EDEM1: variants seen among roughly 807,000 people sequenced by gnomAD.
EDEM1 encodes the protein ER degradation-enhancing alpha-mannosidase-like protein 1.
In EDEM1, 67 loss-of-function variants were observed where a neutral mutation model predicts 74.4. The observed-to-expected ratio is 0.90, with a 90% CI of 0.74 to 1.10. EDEM1 has a LOEUF of 1.10. Ranked by LOEUF, EDEM1 falls within the 50% of genes least tolerant of loss-of-function variation. The pLI, the probability that EDEM1 is intolerant of heterozygous loss-of-function variation, is 0.00. For synonymous variants in EDEM1, 382 were observed against 335.9 expected (o/e 1.14, Z -1.50); for missense variants, 926 against 851.6 (o/e 1.09, Z -1.09).
In EDEM1 at chr3:5,208,162, G is replaced by A; in HGVS notation, c.1408G>A (p.Gly470Ser). 1 of 1,613,030 alleles carries A rather than the reference G, an allele frequency of 6.2e-7. No homozygotes were observed. The highest frequency in any genetic ancestry group is 8.5e-7 in the Non-Finnish European group (1 of 1,179,740). Residue 470 changes from glycine (G) to serine (S), a missense_variant, in exon 8 of 12, where the codon GGT becomes AGT. Physicochemically the swap from Gly to Ser is moderately conservative, Grantham distance 56 (BLOSUM62 0). Coordinates refer to ENST00000256497, the MANE Select transcript of EDEM1 (RefSeq NM_014674.3). ...AFYYAIWKRY[G>S]ALPERYNWQL... ...CTACTATGCCATATGGAAACGATATGGTGCCCTCCCTGAGAGATATAACTG... is the reference window on the plus strand; with the variant it reads ...CTACTATGCCATATGGAAACGATATAGTGCCCTCCCTGAGAGATATAACTG...
intron 2 of EDEM1, among the ~76,000 whole-genome samples, chr3:5,196,018 T>C (rs2054962018): frequency 6.6e-6 from 1 of 152,260 alleles, no homozygotes; most frequent in African/African-American, 2.4e-5. Context: ...TTAAGGTGAT[T>C]TTTACAACCT....
Position 5,207,232 on chromosome 3 carries a change from A to T in EDEM1, c.1297A>T (p.Thr433Ser). 1.9e-6 allele frequency: 3 copies of T among 1,614,132 alleles called. No homozygotes were observed. Among genetic ancestry groups the T allele is most frequent in the Non-Finnish European group, 2.5e-6 (3 of 1,180,014 alleles). Residue 433 changes from threonine (T) to serine (S), a missense_variant, in exon 7 of 12, where the codon ACC becomes TCC. Physicochemically the swap from Thr to Ser is moderately conservative, Grantham distance 58 (BLOSUM62 1). Coordinates refer to ENST00000256497, the MANE Select transcript of EDEM1 (RefSeq NM_014674.3). ...VNMFSGQLMN[T>S]WIDSLQAFFP... ...CATGTTCAGTGGGCAGCTGATGAAC[A>T]CCTGGATTGACTCTCTGCAGGCCTT...
At chr3:5,188,396 C>T (rs1010182637) in intron 1 of EDEM1, 82 bp downstream of exon 1, 3 of 1,305,356 alleles carry the variant, frequency 2.3e-6, no homozygotes, top group African/African-American at 1.6e-5. Context: ...CTCTGTCCTC[C>T]GGGGCCCCCG....
Position 5,187,861 on chromosome 3 carries a change from G to A in EDEM1, c.56G>A (p.Gly19Glu). 1 of 1,598,566 alleles carries A rather than the reference G, an allele frequency of 6.3e-7. No homozygotes were observed. The highest frequency in any genetic ancestry group is 8.5e-7 in the Non-Finnish European group (1 of 1,173,868). ...GLVLLRLGLH[G>E]VLWLVFGLGP... Reference sequence around the variant, plus strand: ...GTGCTCCTCCGGCTTGGCCTCCATGGAGTATTGTGGCTCGTCTTCGGGCTG... The same window carrying A: ...GTGCTCCTCCGGCTTGGCCTCCATGAAGTATTGTGGCTCGTCTTCGGGCTG... Residue 19 changes from glycine (G) to glutamate (E), a missense_variant, in exon 1 of 12, where the codon GGA becomes GAA. Gly to Glu is a moderately conservative substitution (Grantham distance 98). Coordinates refer to ENST00000256497, the MANE Select transcript of EDEM1 (RefSeq NM_014674.3).
Position 5,208,243 on chromosome 3 carries a change from T to G in EDEM1, c.1489T>G (p.Ser497Ala). ...CCCACTGAGACCAGAGTTAGTGGAA[T>G]CCACATATCTCCTCTACCAGGTACT... ...FYPLRPELVE[S>A]TYLLYQATKN... The change falls in exon 8 of 12, where the codon TCC (serine) becomes GCC (alanine). Residue 497 changes from serine to alanine, a missense_variant. Ser to Ala is a moderately conservative substitution (Grantham distance 99, BLOSUM62 1). Coordinates refer to ENST00000256497, the MANE Select transcript of EDEM1 (RefSeq NM_014674.3). 1.2e-6 allele frequency: 2 copies of G among 1,611,728 alleles called. No homozygotes were observed. The highest frequency in any genetic ancestry group is 8.5e-7 in the Non-Finnish European group (1 of 1,179,366).
chr3:5,218,689 T>G lies in EDEM1; in HGVS notation c.*2771T>G, dbSNP rs1189511331. The G allele has an allele frequency of 1.4e-4, 22 of 152,118 alleles. No homozygotes were observed. Among genetic ancestry groups the G allele is most frequent in the Admixed American group, 1.4e-3 (22 of 15,268 alleles). The allele number at this position is 152,118 out of a possible 1,614,324, so 9.4% of individuals were successfully genotyped here. On this transcript the variant is annotated 3_prime_UTR_variant, in exon 12 of 12. Coordinates refer to ENST00000256497, the MANE Select transcript of EDEM1 (RefSeq NM_014674.3). ...GGCTTGACAAAGCATAATTCTCTCA[T>G]AACAAACTTTCAAATCATTACAGTA...
chr3:5,219,303 G>A lies in EDEM1; in HGVS notation c.*3385G>A, dbSNP rs564843377. 2.0e-5 allele frequency: 3 copies of A among 152,138 alleles called. No individual in the cohort carries two copies. The highest frequency in any genetic ancestry group is 7.2e-5 in the African/African-American group (3 of 41,416). The allele number at this position is 152,138 out of a possible 1,614,324, so 9.4% of individuals were successfully genotyped here. On this transcript the variant is annotated 3_prime_UTR_variant, in exon 12 of 12. Transcript: ENST00000256497. The stretch of plus-strand genomic sequence containing the variant: ...AAATCTTTTTTCAAATGTAGTGCTG[G>A]TGAAAAGGTAGGGCTGAGTGATTAC...
chr3:5,195,134 C>A, intron 1 of EDEM1, 75 bp from the exon 2 acceptor site: 2 of 801,552 alleles, frequency 2.5e-6, no homozygotes, highest in Non-Finnish European at 3.7e-6. Flanking sequence ...ATTATAGTTT[C>A]TGATGGGTGT....
chr3:5,215,921 T>C lies in EDEM1; in HGVS notation c.*3T>C, dbSNP rs2055229215. Reference sequence around the variant, plus strand: ...ACCAGATGGTTGGTTTGATTTGATCTGCTCTCTGTGAGGCCTCATCTTGAA... The same window carrying C: ...ACCAGATGGTTGGTTTGATTTGATCCGCTCTCTGTGAGGCCTCATCTTGAA... On this transcript the variant is annotated 3_prime_UTR_variant, in exon 12 of 12. Coordinates refer to ENST00000256497, the MANE Select transcript of EDEM1 (RefSeq NM_014674.3). 6.2e-7 allele frequency: 1 copy of C among 1,611,746 alleles called. No individual in the cohort carries two copies. The highest frequency in any genetic ancestry group is 2.2e-5 in the East Asian group (1 of 44,774).
rs780646059 is a variant in EDEM1 at position 5,190,739 on chromosome 3, C to A, written c.509+2425C>A. 9.8e-5 allele frequency among the ~76,000 whole-genome samples: 15 copies of A among 152,292 alleles called. No homozygotes were observed. In the South Asian group the frequency reaches 1.9e-3, roughly 19 times the overall value. ...CTGGGTAGGCCCGTTGGTTGGTAAA[C>A]CTTTGTTGTCTTTGAGGAGGCCAAA... On this transcript the variant is annotated intron_variant, in intron 1 of 11. Coordinates refer to ENST00000256497, the MANE Select transcript of EDEM1 (RefSeq NM_014674.3).
intron 2 of EDEM1, among the ~76,000 whole-genome samples, chr3:5,198,349 G>A (rs1246038967): frequency 2.0e-5 from 3 of 152,134 alleles, no homozygotes; most frequent in African/African-American, 7.2e-5. Context: ...TGTCCAGCCG[G>A]TTGACTCTCT....
chr3:5,202,846 G>T, intron 4 of EDEM1, 120 bp from the exon 5 acceptor site: 1 of 780,932 alleles, frequency 1.3e-6, no homozygotes, highest in Non-Finnish European at 2.1e-6. Context: ...GGAAGGCAGA[G>T]GGCAGACTCT....
Position 5,213,477 on chromosome 3 carries a change from C to T in EDEM1, c.1839C>T (p.His613=), listed in dbSNP as rs1211796490. 4 of 1,613,870 alleles carry T rather than the reference C, an allele frequency of 2.5e-6. No homozygotes were observed. Among genetic ancestry groups the T allele is most frequent in the Non-Finnish European group, 3.4e-6 (4 of 1,179,946 alleles). The change falls in exon 11 of 12, where the codon CAC becomes CAT. Residue 613 remains histidine, a synonymous_variant. Transcript: ENST00000256497. ...AGGACCAAGGGGGAAAGTCTGTGCA[C>T]AGGCCGAAACCTCATGAGTTAAAAG... ...GGQDQGGKSV[H]RPKPHELKVI... is the part of the protein sequence containing the mutation.
At chr3:5,190,331 G>A (rs1480517505) in intron 1 of EDEM1, among the ~76,000 whole-genome samples, 1 of 152,196 alleles carries the variant, frequency 6.6e-6, no homozygotes, top group Non-Finnish European at 1.5e-5. Context: ...CCTTTTATCA[G>A]GTGGACTGAA....
At chr3:5,203,944 C>A (rs1434386768) in intron 5 of EDEM1, among the ~76,000 whole-genome samples, 3 of 152,062 alleles carry the variant, frequency 2.0e-5, no homozygotes, top group Non-Finnish European at 4.4e-5. Flanking sequence ...TGTTGCCTGA[C>A]TAGTCTCAAA....
rs145538894 is a variant in EDEM1, at chr3:5,215,836, G to A, written c.1892G>A (p.Arg631His). Reference sequence around the variant, plus strand: ...TCGTTTTTGTCTTTCTAGTGCAATCGTGTACCTGATGAGAGGAGGTACTCC... The same window carrying A: ...TCGTTTTTGTCTTTCTAGTGCAATCATGTACCTGATGAGAGGAGGTACTCC... Reference protein sequence around the residue: ...KVINSSSNCNRVPDERRYSLP... With the variant: ...KVINSSSNCNHVPDERRYSLP... The change falls in exon 12 of 12, where the codon CGT becomes CAT. Residue 631 changes from arginine to histidine, a missense_variant. Coordinates refer to ENST00000256497, the MANE Select transcript of EDEM1 (RefSeq NM_014674.3). 9.1e-5 allele frequency: 146 copies of A among 1,612,824 alleles called. No homozygotes were observed. Among genetic ancestry groups the A allele is most frequent in the East Asian group, 2.7e-4 (12 of 44,796 alleles).
At chr3:5,208,381 T>C in intron 8 of EDEM1, 118 bp downstream of exon 8, 2 of 1,221,298 alleles carry the variant, frequency 1.6e-6, no homozygotes, top group Non-Finnish European at 2.3e-6. Flanking sequence ...GTGACTCTGA[T>C]TGAGTTACCC....
intron 11 of EDEM1, among the ~76,000 whole-genome samples, chr3:5,213,805 GC>G (rs1195837589): frequency 3.3e-5 from 5 of 152,160 alleles, no homozygotes; most frequent in Non-Finnish European, 7.4e-5. Flanking sequence ...CTCAGCAGGA[GC>G]CACGGCTCAG....
At chr3:5,212,538 C>T (rs1037999935) in intron 10 of EDEM1, among the ~76,000 whole-genome samples, 1 of 152,194 alleles carries the variant, frequency 6.6e-6, no homozygotes, top group African/African-American at 2.4e-5. Context: ...GAGAGGAAAA[C>T]CTGTGGTCTA....
Sources: allele counts gnomAD v4.1 joint callset (sites outside exome capture counted in the v4.1 genomes callset), GRCh38; gene constraint gnomAD v4.1.1; transcripts MANE v1.5; gene names NCBI Gene and HGNC (gene_info 2026-07-23, HGNC 2026-07-21).